Variants in INPP4B observed in about 807,000 individuals in gnomAD.
INPP4B encodes the protein inositol polyphosphate 4-phosphatase type II.
Under a neutral mutation model 122.5 loss-of-function variants are expected in INPP4B, and 55 were observed. The ratio of observed to expected loss-of-function variants is 0.45; its 90% confidence interval spans 0.36 to 0.56. The LOEUF is 0.56. INPP4B is among the 20% of genes least tolerant of loss of function. INPP4B has a pLI of 0.00. For synonymous variants in INPP4B, 403 were observed against 388.7 expected, an observed-to-expected ratio of 1.04 and a Z score of -0.43; for missense variants, 1,000 against 1,097.7, an observed-to-expected ratio of 0.91 and a Z score of 1.26.
chr4:142,717,629 C>T (rs1763952698), intron 2 of INPP4B, among the ~76,000 whole-genome samples: 1 of 152,096 alleles, frequency 6.6e-6, no homozygotes, highest in Non-Finnish European at 1.5e-5. Flanking sequence ...TCTGAGCAAA[C>T]TATCACAAGG....
At chr4:142,618,184 T>C (rs1485890693) in intron 2 of INPP4B, among the ~76,000 whole-genome samples, 3 of 151,786 alleles carry the variant, frequency 2.0e-5, no homozygotes, top group Non-Finnish European at 4.4e-5. Flanking sequence ...TTCAATGCAA[T>C]ACCTATCAAA....
At position 142,535,841 on chromosome 4, in the gene INPP4B, C is replaced by T. The variant is rs186327227; in HGVS notation, c.-190-73115G>A. 4.0e-3 allele frequency among the ~76,000 whole-genome samples: 613 copies of T among 152,200 alleles called. 3 individuals are homozygous for T. Among genetic ancestry groups the T allele is most frequent in the Middle Eastern group, 6.8e-3 (2 of 294 alleles). ...CAGTTATCAACTCTAAAATAAGTTTCCCAAATTTACATATGTACTTCTAAT... is the reference window on the plus strand; with the variant it reads ...CAGTTATCAACTCTAAAATAAGTTTTCCAAATTTACATATGTACTTCTAAT... On this transcript the variant is annotated intron_variant, in intron 2 of 25. Coordinates refer to ENST00000262992, the MANE Select transcript of INPP4B (RefSeq NM_001101669.3).
chr4:142,582,608 A>G (rs1735342803), intron 2 of INPP4B, among the ~76,000 whole-genome samples: 1 of 152,164 alleles, frequency 6.6e-6, no homozygotes, highest in Non-Finnish European at 1.5e-5. Context: ...CAATCTATAA[A>G]GAAAATGGTC....
At chr4:142,230,773 A>C (rs986476153) in intron 12 of INPP4B, among the ~76,000 whole-genome samples, 1 of 151,866 alleles carries the variant, frequency 6.6e-6, no homozygotes, top group African/African-American at 2.4e-5. Context: ...AGCATGTATT[A>C]TTTTCATGGC....
intron 1 of INPP4B, among the ~76,000 whole-genome samples, chr4:142,815,111 G>A (rs74652013): frequency 0.041 from 6,297 of 152,154 alleles, 155 homozygotes; most frequent in African/African-American, 0.063. Flanking sequence ...TAAATCCAGT[G>A]GAATCAGGAG....
chr4:142,534,664 T>C (rs1157159889), intron 2 of INPP4B, among the ~76,000 whole-genome samples: 1 of 150,306 alleles, frequency 6.7e-6, no homozygotes, highest in Non-Finnish European at 1.5e-5. Context: ...GGATATATTA[T>C]TAATAAATTA....
intron 2 of INPP4B, among the ~76,000 whole-genome samples, chr4:142,650,524 C>T (rs949886861): frequency 3.3e-5 from 5 of 151,190 alleles, no homozygotes; most frequent in Non-Finnish European, 7.4e-5. Flanking sequence ...AAAGGAAGAT[C>T]TACCTTCAAA....
intron 15 of INPP4B, among the ~76,000 whole-genome samples, chr4:142,175,156 C>G (rs1323975442): frequency 6.6e-6 from 1 of 151,922 alleles, no homozygotes; most frequent in Non-Finnish European, 1.5e-5. Context: ...GACATTTTTT[C>G]AAAAAACTTT....
chr4:142,546,051 G>A (rs983823773), intron 2 of INPP4B, among the ~76,000 whole-genome samples: 2 of 151,848 alleles, frequency 1.3e-5, no homozygotes, highest in African/African-American at 2.4e-5. Context: ...GCCTAGTACT[G>A]ATTAGTGATT....
In INPP4B at chr4:142,518,267, A is replaced by C. The variant is rs919878211; in HGVS notation, c.-190-55541T>G. 3.9e-5 allele frequency among the ~76,000 whole-genome samples: 6 copies of C among 152,184 alleles called. No individual in the cohort carries two copies. The South Asian group carries it at 6.2e-4, about 16-fold the overall frequency. On this transcript the variant is annotated intron_variant, in intron 2 of 25. Transcript: ENST00000262992. ...TGGCACCATCTTGATGTGTGACACC[A>C]GAGTTTTCCCAGTATAAAATGACAG...
At chr4:142,635,463 C>T (rs540436745) in intron 2 of INPP4B, among the ~76,000 whole-genome samples, 23 of 152,202 alleles carry the variant, frequency 1.5e-4, no homozygotes, top group African/African-American at 5.5e-4. Flanking sequence ...AACCTAAATG[C>T]CCATCAATGA....
intron 11 of INPP4B, among the ~76,000 whole-genome samples, chr4:142,259,176 G>A (rs1353556290): frequency 7.3e-6 from 1 of 136,178 alleles, no homozygotes; most frequent in Non-Finnish European, 1.6e-5. Context: ...GACACAGGAA[G>A]GGGAATATCA....
chr4:142,393,587 T>A (rs1389792325), intron 7 of INPP4B, among the ~76,000 whole-genome samples: 1 of 152,230 alleles, frequency 6.6e-6, no homozygotes, highest in African/African-American at 2.4e-5. Flanking sequence ...AAAGGAGGAA[T>A]TGTTAAAGCA....
intron 9 of INPP4B, among the ~76,000 whole-genome samples, chr4:142,277,786 T>C (rs907241175): frequency 6.6e-6 from 1 of 151,790 alleles, no homozygotes; most frequent in African/African-American, 2.4e-5. Flanking sequence ...GAGACCATTA[T>C]TCTAAGTGAA....
At chr4:142,304,764 T>G (rs1453729741) in intron 9 of INPP4B, among the ~76,000 whole-genome samples, 1 of 152,170 alleles carries the variant, frequency 6.6e-6, no homozygotes, top group Non-Finnish European at 1.5e-5. Flanking sequence ...CCCCAATGTA[T>G]GCATAATTAT....
chr4:142,355,227 GATC>G (rs1783191096), intron 7 of INPP4B, among the ~76,000 whole-genome samples: 1 of 152,012 alleles, frequency 6.6e-6, no homozygotes, highest in Non-Finnish European at 1.5e-5. Context: ...CACAAGGACA[GATC>G]AGTTTCAAAG....
chr4:142,128,197 A>AAT (rs762932870), intron 18 of INPP4B, among the ~76,000 whole-genome samples: 22 of 143,924 alleles, frequency 1.5e-4, no homozygotes, highest in African/African-American at 5.6e-4. Flanking sequence ...TTCATATATA[A>AAT]ATATATATAT....
intron 1 of INPP4B, among the ~76,000 whole-genome samples, chr4:142,830,850 CAAAAAAAAAAA>C (rs70949194): frequency 2.2e-5 from 2 of 91,484 alleles, no homozygotes; most frequent in African/African-American, 7.4e-5. Flanking sequence ...GCTGTCTCTA[CAAAAAAAAAAA>C]AAAAAAAAAA....
chr4:142,488,469 A>T (rs535869581), intron 2 of INPP4B, among the ~76,000 whole-genome samples: 9 of 152,152 alleles, frequency 5.9e-5, no homozygotes, highest in African/African-American at 2.2e-4. Context: ...TTTCTTCCTT[A>T]AATGTTTCCT....
Sources: gnomAD v4.1 joint callset for allele counts (sites outside exome capture counted in the v4.1 genomes callset) on GRCh38, gnomAD v4.1.1 for gene constraint, MANE v1.5 for transcripts, NCBI Gene and HGNC (gene_info 2026-07-23, HGNC 2026-07-21) for gene names.